Variants in SLC37A1 observed in about 807,000 individuals in gnomAD.
The protein encoded by SLC37A1 is glucose-6-phosphate exchanger SLC37A1.
In SLC37A1, 49 loss-of-function variants were observed where a neutral mutation model predicts 75.3. The ratio of observed to expected loss-of-function variants is 0.65; its 90% confidence interval spans 0.52 to 0.83. The LOEUF (loss-of-function observed/expected upper bound fraction) is 0.83, where lower values mean the gene tolerates loss of function less well. Ranked by LOEUF, SLC37A1 falls within the 40% of genes least tolerant of loss-of-function variation. The pLI, the probability that SLC37A1 is intolerant of heterozygous loss-of-function variation, is 0.00. For synonymous variants in SLC37A1, 268 were observed against 292.1 expected (o/e 0.92, Z 0.84); for missense variants, 566 against 695.0 (o/e 0.81, Z 2.09).
At chr21:42,502,888 G>A (rs978984321) in intron 2 of SLC37A1, 7 of 152,110 alleles carry the variant, frequency 4.6e-5, no homozygotes, top group Admixed American at 3.3e-4. Flanking sequence ...AAATATTACT[G>A]AGTACTTTTA....
chr21:42,564,860 C>A, intron 14 of SLC37A1, 67 bp downstream of exon 14: 1 of 1,445,484 alleles, frequency 6.9e-7, no homozygotes, highest in Non-Finnish European at 9.5e-7. Context: ...TCCTCGCCAG[C>A]CAGCATCCTT....
Position 42,579,902 on chromosome 21 carries a change from C to T in SLC37A1, c.1586+102C>T, listed in dbSNP as rs567706913. On this transcript the variant is annotated intron_variant, in intron 19 of 19. Transcript: ENST00000352133. ...CCTGGCTTTCCTGAAAGAAAGAAAA[C>T]GCGTGGCTTATCTTTTCACGGCACG... The T allele has an allele frequency of 7.5e-4, 837 of 1,115,006 alleles. 3 individuals carry two copies. The highest frequency in any genetic ancestry group is 9.8e-4 in the Non-Finnish European group (737 of 750,484). The allele number at this position is 1,115,006 out of a possible 1,614,324, so 69.1% of individuals were successfully genotyped here. A position where few individuals can be genotyped will look rare whatever the true frequency, so the allele number is the denominator to read the frequency against.
At chr21:42,535,854 C>G (rs1370310676) in intron 5 of SLC37A1, among the ~76,000 whole-genome samples, 1 of 152,206 alleles carries the variant, frequency 6.6e-6, no homozygotes, top group Admixed American at 6.5e-5. Context: ...TCCTGCCAAT[C>G]CTGGGACGTG....
In SLC37A1 at chr21:42,558,622, TC is replaced by T. The variant is rs1401693547; in HGVS notation, c.850-335del. ...CAACCTTTTTTTTACAAGATGTCAT[TC>T]GTATGGATGTATTTGAATTTTCTAT... On this transcript the variant is annotated intron_variant, in intron 10 of 19. Coordinates refer to ENST00000352133, the MANE Select transcript of SLC37A1 (RefSeq NM_001320537.2). Among the ~76,000 whole-genome samples, 5 of 152,262 alleles carry T rather than the reference TC, an allele frequency of 3.3e-5. No individual in the cohort carries two copies. The South Asian group carries it at 6.2e-4, about 19-fold the overall frequency.
At chr21:42,551,598 T>G (rs1189487270) in intron 9 of SLC37A1, among the ~76,000 whole-genome samples, 8 of 152,236 alleles carry the variant, frequency 5.3e-5, no homozygotes, top group Non-Finnish European at 1.5e-5. Context: ...GTATGTGAAT[T>G]CTGTCTCAAC....
chr21:42,572,692 G>A (rs374067835), intron 17 of SLC37A1, among the ~76,000 whole-genome samples: 9,988 of 47,448 alleles, frequency 0.21, 670 homozygotes, highest in Non-Finnish European at 0.32. Flanking sequence ...AAAAAAAAAA[G>A]AGTGTGTCCT....
At chr21:42,517,508 A>T (rs189461430) in intron 1 of SLC37A1, among the ~76,000 whole-genome samples, 1 of 152,350 alleles carries the variant, frequency 6.6e-6, no homozygotes, top group Admixed American at 6.5e-5. Context: ...TTGGAAGCTC[A>T]CTTTCGAGGG....
At chr21:42,569,648 C>T (rs1013356717) in intron 17 of SLC37A1, among the ~76,000 whole-genome samples, 7 of 152,260 alleles carry the variant, frequency 4.6e-5, no homozygotes, top group African/African-American at 1.2e-4. Flanking sequence ...CCTTCCGACT[C>T]GGCCTCCAGG....
intron 3 of SLC37A1, among the ~76,000 whole-genome samples, chr21:42,529,159 GTAGAA>G (rs972391740): frequency 2.0e-5 from 3 of 152,164 alleles, no homozygotes; most frequent in Admixed American, 6.5e-5. Context: ...AAAAAAGTCA[GTAGAA>G]TAGATTAGAA....
At chr21:42,522,322 A>G (rs1461007144) in intron 2 of SLC37A1, among the ~76,000 whole-genome samples, 1 of 152,200 alleles carries the variant, frequency 6.6e-6, no homozygotes, top group Non-Finnish European at 1.5e-5. Context: ...TAAATGATAA[A>G]GAAAACGTAG....
chr21:42,575,068 T>TTC (rs143404028), intron 18 of SLC37A1, 153 bp downstream of exon 18: 119,182 of 985,344 alleles, frequency 0.12, 7,817 homozygotes, highest in Non-Finnish European at 0.13. Context: ...CTAAAGCTCC[T>TTC]TCTCTCTCTG....
chr21:42,568,375 C>T lies in SLC37A1; in HGVS notation c.1360C>T (p.Leu454=). The change falls in exon 17 of 20, where the codon CTG becomes TTG. Residue 454 remains leucine, a synonymous_variant. Coordinates refer to ENST00000352133, the MANE Select transcript of SLC37A1 (RefSeq NM_001320537.2). ...VSADLGTHKS[L]KGNAHALSTV... ...TCTCTTCTAGGGGACTCATAAAAGT[C>T]TGAAAGGCAACGCGCACGCCCTCTC... 6.2e-7 allele frequency: 1 copy of T among 1,614,088 alleles called. No individual in the cohort carries two copies. Among genetic ancestry groups the T allele is most frequent in the Non-Finnish European group, 8.5e-7 (1 of 1,179,980 alleles).
chr21:42,543,358 C>T (rs2055329051), intron 7 of SLC37A1, 78 bp from the exon 8 acceptor site: 1 of 1,542,612 alleles, frequency 6.5e-7, no homozygotes, highest in Admixed American at 1.7e-5. Flanking sequence ...ACTTTGCAGG[C>T]ACTGCTGCGC....
intron 19 of SLC37A1, among the ~76,000 whole-genome samples, chr21:42,580,090 TCTCC>T (rs779851421): frequency 2.0e-5 from 3 of 150,886 alleles, no homozygotes; most frequent in Non-Finnish European, 4.4e-5. Context: ...CTCGCCCCCT[TCTCC>T]CTCCCTCCTC....
intron 2 of SLC37A1, among the ~76,000 whole-genome samples, chr21:42,523,884 C>T (rs1261711966): frequency 7.1e-6 from 1 of 141,160 alleles, no homozygotes; most frequent in African/African-American, 2.7e-5. Flanking sequence ...TTCTTTCCCA[C>T]CTGAAATATG....
intron 16 of SLC37A1, among the ~76,000 whole-genome samples, chr21:42,567,838 C>A (rs1449164544): frequency 2.0e-5 from 3 of 152,164 alleles, no homozygotes; most frequent in Non-Finnish European, 2.9e-5. Flanking sequence ...GGCTGCTCAC[C>A]GAGGACCTGC....
chr21:42,523,945 T>A (rs1005134625), intron 2 of SLC37A1, among the ~76,000 whole-genome samples: 2 of 152,154 alleles, frequency 1.3e-5, no homozygotes, highest in African/African-American at 4.8e-5. Flanking sequence ...ACCCCTACTT[T>A]AGCTGGTGAC....
Position 42,558,942 on chromosome 21 carries a change from A to T in SLC37A1, c.850-16A>T, listed in dbSNP as rs553740909. The T allele has an allele frequency of 2.5e-5, 41 of 1,613,484 alleles. No individual in the cohort carries two copies. In the South Asian group the frequency reaches 4.5e-4, roughly 18 times the overall value. On this transcript the variant is annotated splice_polypyrimidine_tract_variant and intron_variant, in intron 10 of 19. Transcript: ENST00000352133. The stretch of plus-strand genomic sequence containing the variant: ...GTAACACCTTTCCTTTTTGTTCCCA[A>T]TGGATTTGCCTCCAGGACCCAGAGA...
chr21:42,505,086 C>T (rs1241551089), intron 2 of SLC37A1, among the ~76,000 whole-genome samples: 1 of 152,246 alleles, frequency 6.6e-6, no homozygotes, highest in East Asian at 1.9e-4. Context: ...CCCTTAGTCT[C>T]ACTGTCTTCT....
Sources: allele counts gnomAD v4.1 joint callset (sites outside exome capture counted in the v4.1 genomes callset), GRCh38; gene constraint gnomAD v4.1.1; transcripts MANE v1.5; gene names NCBI Gene and HGNC (gene_info 2026-07-23, HGNC 2026-07-21).